Variants in PDE3B observed in about 807,000 individuals in gnomAD.
The protein encoded by PDE3B is cGMP-inhibited 3',5'-cyclic phosphodiesterase 3B.
A neutral mutation model predicts 116.8 loss-of-function variants in PDE3B; 66 were observed. The ratio of observed to expected loss-of-function variants is 0.56; its 90% confidence interval spans 0.46 to 0.69. The LOEUF is 0.69. Among genes scored for constraint, PDE3B ranks in the 30% least tolerant of loss-of-function variants. PDE3B has a pLI of 0.00. For missense variants in PDE3B, 1,384 were observed against 1,368.1 expected, an observed-to-expected ratio of 1.01 and a Z score of -0.18; for synonymous variants, 595 against 533.6, an observed-to-expected ratio of 1.12 and a Z score of -1.59.
At chr11:14,758,944 C>T (rs967962040) in intron 1 of PDE3B, among the ~76,000 whole-genome samples, 17 of 151,990 alleles carry the variant, frequency 1.1e-4, no homozygotes, top group Non-Finnish European at 2.1e-4. Context: ...TACGTCCCAT[C>T]AATACCTAAT....
chr11:14,783,310 G>A (rs568083985), intron 2 of PDE3B, among the ~76,000 whole-genome samples: 1 of 152,312 alleles, frequency 6.6e-6, no homozygotes, highest in South Asian at 2.1e-4. Flanking sequence ...ACATGCACAT[G>A]TATGTTTATT....
At chr11:14,711,131 A>T (rs1156317551) in intron 1 of PDE3B, among the ~76,000 whole-genome samples, 2 of 152,220 alleles carry the variant, frequency 1.3e-5, no homozygotes, top group Admixed American at 1.3e-4. Context: ...TTGCAAGTAA[A>T]CATCTATAGA....
chr11:14,644,749 T>A lies in PDE3B; in HGVS notation c.674T>A (p.Leu225Gln). ...CGGCACTGCGTTCTGGTGCTGCTCC[T>A]GGCCAGCTTCGTCTGGTGGGTCTCC... ...RLRHCVLVLLLASFVWWVSFT... is the reference protein window; with the variant it reads ...RLRHCVLVLLQASFVWWVSFT... The change falls in exon 1 of 16, where the codon CTG (leucine) becomes CAG (glutamine). Residue 225 changes from leucine (L) to glutamine (Q), a missense_variant. Leu to Gln is a moderately radical substitution (Grantham distance 113). Around this residue, in one of 2 missense-constraint regions of PDE3B, gnomAD observed 956 missense variants for 806.8 expected, o/e 1.18. Transcript: ENST00000282096. 6.3e-7 allele frequency: 1 copy of A among 1,588,100 alleles called. No homozygotes were observed. The highest frequency in any genetic ancestry group is 8.6e-7 in the Non-Finnish European group (1 of 1,168,190).
Position 14,744,378 on chromosome 11 carries a change from G to A in PDE3B, c.979-27559G>A, listed in dbSNP as rs1590109398. Among the ~76,000 whole-genome samples the A allele has an allele frequency of 1.3e-5, 2 of 152,230 alleles. 1 individual carries two copies. The highest frequency in any genetic ancestry group is 3.9e-4 in the East Asian group (2 of 5,188). ...GCATTGCATTTTTAGTTTGCTTTGG[G>A]TGATATTGCCATTTTCACAATATTG... On this transcript the variant is annotated intron_variant, in intron 1 of 15. Coordinates refer to ENST00000282096, the MANE Select transcript of PDE3B (RefSeq NM_000922.4).
chr11:14,803,994 C>T lies in PDE3B; in HGVS notation c.1466C>T (p.Pro489Leu), dbSNP rs748713606. ...GPFNSNLLTI[P>L]KQRSSSVSLT... ...TTTAATTCAAATCTACTGACTATCCCGAAGCAAAGGTCATCTTCTGTATCA... is the reference window on the plus strand; with the variant it reads ...TTTAATTCAAATCTACTGACTATCCTGAAGCAAAGGTCATCTTCTGTATCA... The change falls in exon 5 of 16, where the codon CCG becomes CTG. Residue 489 changes from proline (P) to leucine (L), a missense_variant. By Grantham distance (98) the Pro-to-Leu change is moderately conservative. Around this residue, in one of 2 missense-constraint regions of PDE3B, gnomAD observed 956 missense variants for 806.8 expected, o/e 1.18. Transcript: ENST00000282096. The T allele has an allele frequency of 6.0e-5, 97 of 1,611,552 alleles. No homozygotes were observed. The highest frequency in any genetic ancestry group is 7.0e-5 in the Non-Finnish European group (83 of 1,177,896).
chr11:14,878,768 T>A, the PDE3B span, among the ~76,000 whole-genome samples: 1 of 151,636 alleles, frequency 6.6e-6, no homozygotes, highest in African/African-American at 2.4e-5. Context: ...GCCAAGAGAG[T>A]GAGATTCTAG....
chr11:14,879,993 T>C, the PDE3B span: 5 of 820,848 alleles, frequency 6.1e-6, no homozygotes, highest in Non-Finnish European at 9.2e-6. Flanking sequence ...GAAAACTCTT[T>C]TTTGTAACTA....
intron 1 of PDE3B, among the ~76,000 whole-genome samples, chr11:14,656,514 A>G (rs1028425328): frequency 6.6e-6 from 1 of 152,164 alleles, no homozygotes; most frequent in African/African-American, 2.4e-5. Context: ...TCCTTAATAG[A>G]CAGTTATTGC....
rs771408607 is a variant in PDE3B, at chr11:14,830,849, A to G, written c.1956+3A>G. 1 of 1,485,016 alleles carries G rather than the reference A, an allele frequency of 6.7e-7. No individual in the cohort carries two copies. Among genetic ancestry groups the G allele is most frequent in the Non-Finnish European group, 8.9e-7 (1 of 1,120,110 alleles). The allele number at this position is 1,485,016 out of a possible 1,614,324, so 92.0% of individuals were successfully genotyped here. ...CACAGAGTGAACAGCAAACAAATGT[A>G]AAAGATAAACTTTCAATATGATTAT... On this transcript the variant is annotated splice_donor_region_variant and intron_variant, in intron 8 of 15. Coordinates refer to ENST00000282096, the MANE Select transcript of PDE3B (RefSeq NM_000922.4).
chr11:14,698,905 A>G (rs2133815101), intron 1 of PDE3B: 1 of 152,112 alleles, frequency 6.6e-6, no homozygotes, highest in Admixed American at 6.6e-5. Context: ...GTATACATGG[A>G]GGAAAATGAG....
At chr11:14,673,376 T>C (rs574506831) in intron 1 of PDE3B, among the ~76,000 whole-genome samples, 2 of 152,086 alleles carry the variant, frequency 1.3e-5, no homozygotes, top group African/African-American at 4.8e-5. Flanking sequence ...TTGTCCATCA[T>C]TGAATACACT....
At chr11:14,759,255 CT>C (rs922510313) in intron 1 of PDE3B, among the ~76,000 whole-genome samples, 125 of 152,218 alleles carry the variant, frequency 8.2e-4, no homozygotes, top group African/African-American at 2.7e-3. Flanking sequence ...CTCTGCCCGG[CT>C]TTGGTATCAG....
At chr11:14,852,468 A>G (rs782751157) in intron 12 of PDE3B, among the ~76,000 whole-genome samples, 5 of 152,248 alleles carry the variant, frequency 3.3e-5, no homozygotes, top group African/African-American at 4.8e-5. Context: ...ATTTAAAACA[A>G]TGTTATATGA....
intron 1 of PDE3B, among the ~76,000 whole-genome samples, chr11:14,763,667 G>T (rs1017461015): frequency 2.0e-5 from 3 of 152,086 alleles, no homozygotes; most frequent in South Asian, 4.2e-4. Context: ...GTAGCTGTAG[G>T]CTGGAGCACA....
chr11:14,745,679 C>G (rs1375805496), intron 1 of PDE3B, among the ~76,000 whole-genome samples: 1 of 152,028 alleles, frequency 6.6e-6, no homozygotes, highest in African/African-American at 2.4e-5. Context: ...TTTCCTTCTC[C>G]TTTTATTTTT....
At chr11:14,763,896 A>C (rs1857425795) in intron 1 of PDE3B, among the ~76,000 whole-genome samples, 1 of 152,156 alleles carries the variant, frequency 6.6e-6, no homozygotes. Flanking sequence ...GCCAATTACT[A>C]GCTGACATGT....
intron 1 of PDE3B, among the ~76,000 whole-genome samples, chr11:14,678,890 T>A (rs532957045): frequency 6.6e-6 from 1 of 152,210 alleles, no homozygotes; most frequent in Non-Finnish European, 1.5e-5. Context: ...TTAGTAGCTT[T>A]ATGTTTTACC....
At chr11:14,660,888 A>G (rs1305172756) in intron 1 of PDE3B, among the ~76,000 whole-genome samples, 1 of 152,208 alleles carries the variant, frequency 6.6e-6, no homozygotes, top group Non-Finnish European at 1.5e-5. Flanking sequence ...TCAAAAGAAG[A>G]CATTTATGCA....
At chr11:14,891,068 A>G in the PDE3B span, 144 of 985,396 alleles carry the variant, frequency 1.5e-4, 1 homozygote, top group African/African-American at 2.1e-3. Context: ...TTGCATATAA[A>G]TAAGTGTAAT....
Sources: allele counts gnomAD v4.1 joint callset (sites outside exome capture counted in the v4.1 genomes callset), GRCh38; gene constraint gnomAD v4.1.1; regional missense constraint gnomAD v4.1.1; transcripts MANE v1.5; gene names NCBI Gene and HGNC (gene_info 2026-07-23, HGNC 2026-07-21).